The following PLXNA2 variants were observed in gnomAD, a reference collection of about 807,000 sequenced individuals.
PLXNA2 encodes plexin A2.
Under a neutral mutation model 193.5 loss-of-function variants are expected in PLXNA2, and 91 were observed. The ratio of observed to expected loss-of-function variants is 0.47; its 90% CI spans 0.40 to 0.56. The LOEUF (loss-of-function observed/expected upper bound fraction) is 0.56. Among genes scored for constraint, PLXNA2 ranks in the 20% least tolerant of loss-of-function variants. The pLI, the probability that PLXNA2 is intolerant of heterozygous loss-of-function variation, is 0.00. For missense variants in PLXNA2, 1,995 were observed against 2,503.2 expected (o/e 0.80, Z 4.33); for synonymous variants, 997 against 1,027.3 (o/e 0.97, Z 0.56).
In PLXNA2 at chr1:208,052,407, C is replaced by A; in HGVS notation, c.2913G>T (p.Met971Ile). The change falls in exon 15 of 32, where the codon ATG becomes ATT. Residue 971 changes from methionine (M) to isoleucine (I), a missense_variant. This residue lies in a region of PLXNA2 where 1,291 missense variants were observed against 1,673.6 expected (regional missense o/e 0.77). Coordinates refer to ENST00000367033, the MANE Select transcript of PLXNA2 (RefSeq NM_025179.4). Reference sequence around the variant, plus strand: ...CAAGGTAATGGCCGGTAATGGTCACCATAGTGCCTCCTGACTCGGGACCTC... The same window carrying A: ...CAAGGTAATGGCCGGTAATGGTCACAATAGTGCCTCCTGACTCGGGACCTC... ...PIRGPESGGT[M>I]VTITGHYLGA... 1 of 1,614,118 alleles carries A rather than the reference C, an allele frequency of 6.2e-7. No individual in the cohort carries two copies. Among genetic ancestry groups the A allele is most frequent in the Non-Finnish European group, 8.5e-7 (1 of 1,179,964 alleles).
intron 4 of PLXNA2, among the ~76,000 whole-genome samples, chr1:208,110,907 G>T (rs910911264): frequency 1.3e-5 from 2 of 152,166 alleles, no homozygotes; most frequent in African/African-American, 2.4e-5. Flanking sequence ...AGGTTCACCC[G>T]CCTGACCACT....
At chr1:208,083,980 A>C (rs1263654702) in intron 10 of PLXNA2, among the ~76,000 whole-genome samples, 1 of 152,150 alleles carries the variant, frequency 6.6e-6, no homozygotes, top group African/African-American at 2.4e-5. Flanking sequence ...GAAGACAAAG[A>C]GGTGCTCTTT....
chr1:208,182,574 T>G (rs556383676), intron 3 of PLXNA2, among the ~76,000 whole-genome samples: 1 of 152,228 alleles, frequency 6.6e-6, no homozygotes, highest in African/African-American at 2.4e-5. Flanking sequence ...ACTGCATTCA[T>G]GGAATGGAGC....
intron 1 of PLXNA2, among the ~76,000 whole-genome samples, chr1:208,223,819 C>T (rs1458929123): frequency 6.6e-6 from 1 of 152,200 alleles, no homozygotes; most frequent in Non-Finnish European, 1.5e-5. Context: ...TAGAGAGGAT[C>T]TGCAGAGCAT....
chr1:208,164,121 A>G (rs1669220199), intron 3 of PLXNA2, among the ~76,000 whole-genome samples: 1 of 152,208 alleles, frequency 6.6e-6, no homozygotes, highest in Admixed American at 6.5e-5. Context: ...CTTAGCAGGA[A>G]GGGGCTGGCA....
chr1:208,113,546 C>CTTTTTTT (rs397695261), intron 4 of PLXNA2, among the ~76,000 whole-genome samples: 5 of 105,712 alleles, frequency 4.7e-5, no homozygotes, highest in Admixed American at 1.2e-4. Context: ...CTCTCTCTCT[C>CTTTTTTT]TTTTTTTTTT....
chr1:208,131,595 A>G (rs1483528384), intron 4 of PLXNA2, among the ~76,000 whole-genome samples: 1 of 152,066 alleles, frequency 6.6e-6, no homozygotes, highest in East Asian at 1.9e-4. Context: ...GGAACACAGG[A>G]GGCTTTCTTG....
rs1666364563 is a variant in PLXNA2, at chr1:208,082,143, C to T, written c.2395+269G>A. On this transcript the variant is annotated intron_variant, in intron 11 of 31. Transcript: ENST00000367033. This position sits in a 1 kb window ranked among gnomAD's most constrained non-coding sequence, Gnocchi z 4.2. ...GCCTGCTGTTCTCCTAGGTCAGGTT[C>T]CACAGACACTTCAAAGCCTGCAGGA... Among the ~76,000 whole-genome samples the T allele has an allele frequency of 6.6e-6, 1 of 152,180 alleles. No individual in the cohort carries two copies. Among genetic ancestry groups the T allele is most frequent in the South Asian group, 2.1e-4 (1 of 4,830 alleles).
chr1:208,158,443 T>A (rs1185790420), intron 3 of PLXNA2, among the ~76,000 whole-genome samples: 2 of 152,138 alleles, frequency 1.3e-5, no homozygotes, highest in East Asian at 3.9e-4. Flanking sequence ...AGACCTGCAT[T>A]TCCCCCTGTC....
intron 3 of PLXNA2, among the ~76,000 whole-genome samples, chr1:208,182,638 G>T (rs138280934): frequency 1.3e-5 from 2 of 151,954 alleles, no homozygotes; most frequent in East Asian, 4.0e-4. Context: ...GAAAACTGAG[G>T]CGTATTTGCC....
chr1:208,066,932 A>AT lies in PLXNA2; in HGVS notation c.2587-6096dup, dbSNP rs575260402. Among the ~76,000 whole-genome samples, 34 of 152,388 alleles carry AT rather than the reference A, an allele frequency of 2.2e-4. No individual in the cohort carries two copies. In the East Asian group the frequency reaches 5.0e-3, roughly 22 times the overall value. ...GAATTTCAAAAATAGAAAAAATATTATAGAATAAGGATATAAAGAAAGAAA... is the reference window on the plus strand; with the variant it reads ...GAATTTCAAAAATAGAAAAAATATTATTAGAATAAGGATATAAAGAAAGAAA... On this transcript the variant is annotated intron_variant, in intron 12 of 31. Transcript: ENST00000367033.
intron 1 of PLXNA2, among the ~76,000 whole-genome samples, chr1:208,242,894 A>C (rs1359630580): frequency 6.6e-6 from 1 of 152,148 alleles, no homozygotes. Flanking sequence ...TGGGGCAAGA[A>C]AGAGCACATG....
Position 208,038,555 on chromosome 1 carries a change from A to G in PLXNA2, c.4661-81T>C. 1 of 1,142,760 alleles carries G rather than the reference A, an allele frequency of 8.8e-7. No homozygotes were observed. Among genetic ancestry groups the G allele is most frequent in the South Asian group, 1.2e-5 (1 of 80,672 alleles). 70.8% of individuals were successfully genotyped at this position (1,142,760 alleles called of 1,614,324 possible). A position where few individuals can be genotyped will look rare whatever the true frequency, so the allele number is the denominator to read the frequency against. Reference sequence around the variant, plus strand: ...AGTGTCTCCCGATTGCACCTTCTCTAGGGACCTGGCAACCCGGCCCCCTCA... The same window carrying G: ...AGTGTCTCCCGATTGCACCTTCTCTGGGGACCTGGCAACCCGGCCCCCTCA... On this transcript the variant is annotated intron_variant, in intron 25 of 31. Transcript: ENST00000367033. The surrounding 1 kb of genome is among the most constrained non-coding windows in gnomAD (Gnocchi z 4.1).
intron 2 of PLXNA2, 74 bp downstream of exon 2, chr1:208,216,661 G>A (rs1189269035): frequency 6.6e-7 from 1 of 1,511,994 alleles, no homozygotes; most frequent in Non-Finnish European, 8.9e-7. Context: ...GAGCAGATGT[G>A]CCCCAGGGCA....
At chr1:208,085,207 G>C (rs999556530) in intron 9 of PLXNA2, among the ~76,000 whole-genome samples, 2 of 152,262 alleles carry the variant, frequency 1.3e-5, no homozygotes, top group East Asian at 1.9e-4. Flanking sequence ...CCATGAGAGA[G>C]AGACAGTGAG....
chr1:208,219,027 G>A (rs1299356766), intron 1 of PLXNA2, among the ~76,000 whole-genome samples: 1 of 152,232 alleles, frequency 6.6e-6, no homozygotes, highest in Non-Finnish European at 1.5e-5. Flanking sequence ...TTCAGGCACT[G>A]CTGGGGCCTC....
intron 17 of PLXNA2, among the ~76,000 whole-genome samples, chr1:208,047,682 CAT>C (rs1665123510): frequency 6.6e-6 from 1 of 152,260 alleles, no homozygotes; most frequent in African/African-American, 2.4e-5. Flanking sequence ...CAGGTCCACA[CAT>C]GTTATGCGTC....
At chr1:208,073,115 T>C (rs559422123) in intron 12 of PLXNA2, among the ~76,000 whole-genome samples, 4 of 152,266 alleles carry the variant, frequency 2.6e-5, no homozygotes, top group Middle Eastern at 6.8e-3. Context: ...ACTTGCAGGG[T>C]TGTTTGAAGG....
At chr1:208,079,019 C>T (rs1053701769) in intron 12 of PLXNA2, among the ~76,000 whole-genome samples, 4 of 152,212 alleles carry the variant, frequency 2.6e-5, no homozygotes, top group Non-Finnish European at 2.9e-5. Context: ...GTCGTGTGCA[C>T]GTGCACACCA....
Sources: allele counts gnomAD v4.1 joint callset (sites outside exome capture counted in the v4.1 genomes callset), GRCh38; gene constraint gnomAD v4.1.1; regional missense constraint gnomAD v4.1.1; non-coding constraint Gnocchi (gnomAD v3.1); transcripts MANE v1.5; gene names NCBI Gene and HGNC (gene_info 2026-07-23, HGNC 2026-07-21).